DLG2: variants seen among roughly 807,000 people sequenced by gnomAD.
DLG2 encodes the protein discs large MAGUK scaffold protein 2, also known as disks large homolog 2.
Under a neutral mutation model 132.5 loss-of-function variants are expected in DLG2, and 45 were observed. The observed-to-expected ratio is 0.34, with a 90% CI of 0.27 to 0.44. The LOEUF is 0.44. DLG2 is among the 20% of genes least tolerant of loss of function. DLG2 has a pLI of 1.00. For missense variants in DLG2, 1,045 were observed against 1,196.9 expected (o/e 0.87, Z 1.87); for synonymous variants, 424 against 419.6 (o/e 1.01, Z -0.13).
chr11:83,957,685 G>C, intron 14 of DLG2, among the ~76,000 whole-genome samples: 1 of 151,556 alleles, frequency 6.6e-6, no homozygotes, highest in East Asian at 1.9e-4. Context: ...TCTGCTTCCT[G>C]CTTCCTTATC....
rs548962078 is a variant in DLG2, at chr11:84,593,463, A to G, written c.358-58732T>C. Among the ~76,000 whole-genome samples the G allele has an allele frequency of 6.4e-4, 97 of 152,362 alleles. No individual in the cohort carries two copies. The South Asian group carries it at 0.012, about 18-fold the overall frequency. The stretch of plus-strand genomic sequence containing the variant: ...ATACACCATGGAATACTATGCAGCC[A>G]TAAAAAAGGATGAGTTTATGTCCTT... On this transcript the variant is annotated intron_variant, in intron 6 of 27. Coordinates refer to ENST00000376104, the MANE Select transcript of DLG2 (RefSeq NM_001142699.3).
chr11:83,669,052 C>A (rs1212045235), intron 18 of DLG2, among the ~76,000 whole-genome samples: 2 of 151,806 alleles, frequency 1.3e-5, no homozygotes, highest in Non-Finnish European at 2.9e-5. Context: ...CATCAAAATG[C>A]TCTATTGGAA....
intron 6 of DLG2, among the ~76,000 whole-genome samples, chr11:85,033,602 G>T (rs2061209052): frequency 6.6e-6 from 1 of 152,162 alleles, no homozygotes; most frequent in Non-Finnish European, 1.5e-5. Flanking sequence ...CCCTTTGAGG[G>T]ATTCACAGCA....
At chr11:84,790,549 G>A (rs1194189786) in intron 6 of DLG2, among the ~76,000 whole-genome samples, 2 of 152,046 alleles carry the variant, frequency 1.3e-5, no homozygotes, top group Admixed American at 6.6e-5. Flanking sequence ...TCTTCACTTT[G>A]TTGATTGCTT....
In DLG2 at chr11:84,859,943, G is replaced by A. The variant is rs1472489033; in HGVS notation, c.357+251718C>T. 2.0e-5 allele frequency among the ~76,000 whole-genome samples: 3 copies of A among 152,036 alleles called. No homozygotes were observed. In the East Asian group the frequency reaches 5.8e-4, roughly 29 times the overall value. On this transcript the variant is annotated intron_variant, in intron 6 of 27. Coordinates refer to ENST00000376104, the MANE Select transcript of DLG2 (RefSeq NM_001142699.3). ...CTCTACGCAGCCTCTCTGACTTCTTGAACAAAGCCTTCTGTATGCTTCCTT... is the reference window on the plus strand; with the variant it reads ...CTCTACGCAGCCTCTCTGACTTCTTAAACAAAGCCTTCTGTATGCTTCCTT...
intron 8 of DLG2, among the ~76,000 whole-genome samples, chr11:84,163,945 G>A (rs1386904935): frequency 2.0e-5 from 3 of 152,044 alleles, no homozygotes; most frequent in Non-Finnish European, 2.9e-5. Context: ...TTTTTGAATA[G>A]AAAAATAGCA....
rs147248940 is a variant in DLG2 at position 85,293,065 on chromosome 11, A to G, written c.41-7700T>C. ...CATGGGATATAACCTTTTTAATAAA[A>G]TAATAATCCATTATTTCATCCTGAT... On this transcript the variant is annotated intron_variant, in intron 3 of 27. Coordinates refer to ENST00000376104, the MANE Select transcript of DLG2 (RefSeq NM_001142699.3). Among the ~76,000 whole-genome samples the G allele has an allele frequency of 1.9e-3, 282 of 152,290 alleles. 1 individual carries two copies. The highest frequency in any genetic ancestry group is 3.1e-3 in the Non-Finnish European group (209 of 68,018).
chr11:84,512,393 A>T (rs907748275), intron 7 of DLG2, among the ~76,000 whole-genome samples: 1 of 152,112 alleles, frequency 6.6e-6, no homozygotes, highest in East Asian at 1.9e-4. Flanking sequence ...ATCAGATTTG[A>T]AAGAATCTGA....
At chr11:84,094,008 A>C (rs547178580) in intron 10 of DLG2, among the ~76,000 whole-genome samples, 1 of 151,442 alleles carries the variant, frequency 6.6e-6, no homozygotes, top group African/African-American at 2.4e-5. Context: ...TTTAGGGTAC[A>C]TGTGCACATT....
intron 3 of DLG2, among the ~76,000 whole-genome samples, chr11:85,289,561 G>A (rs2078764658): frequency 6.6e-6 from 1 of 152,164 alleles, no homozygotes; most frequent in South Asian, 2.1e-4. Context: ...TGTTTGGAAA[G>A]TTGTAGGGGA....
At chr11:83,724,476 T>TGTGTGAGAGAGAGAGAGAGA (rs762050933) in intron 18 of DLG2, among the ~76,000 whole-genome samples, 26 of 118,228 alleles carry the variant, frequency 2.2e-4, no homozygotes, top group Middle Eastern at 4.8e-3. Flanking sequence ...TGTGTGTGTG[T>TGTGTGAGAGAGAGAGAGAGA]GAGAGAGAGA....
intron 3 of DLG2, among the ~76,000 whole-genome samples, chr11:85,418,942 A>G (rs571169198): frequency 1.3e-5 from 2 of 152,246 alleles, no homozygotes; most frequent in East Asian, 3.9e-4. Flanking sequence ...TTTAAGGTTA[A>G]GATTATTATG....
At chr11:84,099,318 G>A (rs1352726096) in intron 9 of DLG2, among the ~76,000 whole-genome samples, 1 of 151,832 alleles carries the variant, frequency 6.6e-6, no homozygotes, top group Non-Finnish European at 1.5e-5. Context: ...TATGAAGCAG[G>A]AAATAAAAAC....
At chr11:83,480,981 C>CAGTG (rs1312000484) in intron 22 of DLG2, among the ~76,000 whole-genome samples, 1 of 152,114 alleles carries the variant, frequency 6.6e-6, no homozygotes, top group African/African-American at 2.4e-5. Flanking sequence ...TTTTCTGCTT[C>CAGTG]AGTGAGTGAG....
intron 4 of DLG2, among the ~76,000 whole-genome samples, chr11:85,283,900 A>G (rs1565266256): frequency 6.6e-6 from 1 of 151,674 alleles, no homozygotes; most frequent in South Asian, 2.1e-4. Flanking sequence ...AAAAAAAAAA[A>G]GCAATGGCTT....
intron 6 of DLG2, among the ~76,000 whole-genome samples, chr11:84,625,259 T>G (rs569658643): frequency 6.6e-6 from 1 of 152,276 alleles, no homozygotes; most frequent in Admixed American, 6.5e-5. Flanking sequence ...TGCATGTTCC[T>G]AGGACACTAT....
intron 6 of DLG2, among the ~76,000 whole-genome samples, chr11:84,728,530 G>A (rs537829259): frequency 1.3e-5 from 2 of 152,212 alleles, no homozygotes; most frequent in South Asian, 4.1e-4. Flanking sequence ...ATGTTCATCA[G>A]GAATATTGGC....
chr11:85,072,694 G>C (rs2066022729), intron 6 of DLG2, among the ~76,000 whole-genome samples: 2 of 151,810 alleles, frequency 1.3e-5, no homozygotes, highest in Non-Finnish European at 2.9e-5. Context: ...TAATGGAAGA[G>C]AAAGAATACA....
In DLG2 at chr11:83,761,096, G is replaced by C. The variant is rs145004245; in HGVS notation, c.1825+25594C>G. Among the ~76,000 whole-genome samples the C allele has an allele frequency of 3.9e-5, 6 of 152,278 alleles. No individual in the cohort carries two copies. The East Asian group carries it at 1.2e-3, about 29-fold the overall frequency. ...TGATCTGTGCCTGGGAAGCTGATAA[G>C]CATGGAGCACATATGGCTTCTGGTT... is the stretch of plus-strand genomic sequence containing the variant. On this transcript the variant is annotated intron_variant, in intron 18 of 27. Coordinates refer to ENST00000376104, the MANE Select transcript of DLG2 (RefSeq NM_001142699.3).
Sources: gnomAD v4.1 joint callset for allele counts (sites outside exome capture counted in the v4.1 genomes callset) on GRCh38, gnomAD v4.1.1 for gene constraint, MANE v1.5 for transcripts, NCBI Gene and HGNC (gene_info 2026-07-23, HGNC 2026-07-21) for gene names.